The following PPP2R2C variants were observed in gnomAD, a reference collection of about 807,000 sequenced individuals.
PPP2R2C encodes protein phosphatase 2 regulatory subunit Bgamma, also known as protein phosphatase 2, regulatory subunit B, gamma.
In PPP2R2C, 10 loss-of-function variants were observed where a neutral mutation model predicts 45.3. The ratio of observed to expected loss-of-function variants is 0.22; its 90% confidence interval spans 0.14 to 0.37. The LOEUF is 0.37. Ranked by LOEUF, PPP2R2C falls within the 10% of genes least tolerant of loss-of-function variation. PPP2R2C has a pLI of 1.00. For synonymous variants in PPP2R2C, 257 were observed against 245.4 expected, an observed-to-expected ratio of 1.05 and a Z score of -0.44; for missense variants, 308 against 619.7, an observed-to-expected ratio of 0.50 and a Z score of 5.34.
intron 2 of PPP2R2C, among the ~76,000 whole-genome samples, chr4:6,522,109 C>T (rs1179533454): frequency 6.6e-6 from 1 of 152,154 alleles, no homozygotes; most frequent in African/African-American, 2.4e-5. Flanking sequence ...CTGCACTCTC[C>T]CGGCCACTCA....
chr4:6,355,368 C>A (rs1347312121), intron 5 of PPP2R2C, among the ~76,000 whole-genome samples: 1 of 152,078 alleles, frequency 6.6e-6, no homozygotes. Flanking sequence ...CATGTGATCT[C>A]ATTGTTCAAC....
At chr4:6,546,588 T>G (rs1724994298) in intron 1 of PPP2R2C, among the ~76,000 whole-genome samples, 1 of 152,192 alleles carries the variant, frequency 6.6e-6, no homozygotes, top group South Asian at 2.1e-4. Flanking sequence ...TCACTAAGCA[T>G]CTCAGCCGTC....
chr4:6,408,744 C>T (rs1233570043), intron 1 of PPP2R2C, among the ~76,000 whole-genome samples: 1 of 152,044 alleles, frequency 6.6e-6, no homozygotes, highest in African/African-American at 2.4e-5. Context: ...CTGCGGGGCA[C>T]CCTGAGAAAC....
At chr4:6,390,543 G>A (rs992387596) in intron 1 of PPP2R2C, among the ~76,000 whole-genome samples, 8 of 152,348 alleles carry the variant, frequency 5.3e-5, no homozygotes, top group Middle Eastern at 3.4e-3. Flanking sequence ...GGAGCACGCC[G>A]GGCGGCGGGC....
At chr4:6,432,373 C>A (rs1217737081) in intron 1 of PPP2R2C, among the ~76,000 whole-genome samples, 1 of 152,228 alleles carries the variant, frequency 6.6e-6, no homozygotes, top group Admixed American at 6.5e-5. Context: ...CATCTCTGAG[C>A]CCCAGGGATG....
At chr4:6,386,312 T>A (rs943544693) in intron 1 of PPP2R2C, among the ~76,000 whole-genome samples, 1 of 152,070 alleles carries the variant, frequency 6.6e-6, no homozygotes, top group African/African-American at 2.4e-5. Flanking sequence ...TCTCACTGGC[T>A]TGATAGAGCA....
chr4:6,383,036 C>G, intron 1 of PPP2R2C: 2 of 1,081,166 alleles, frequency 1.8e-6, no homozygotes, highest in Non-Finnish European at 2.3e-6. Context: ...CTGTTCTCTG[C>G]CCCCCACCTT....
chr4:6,559,170 A>G (rs1725499321), intron 1 of PPP2R2C, among the ~76,000 whole-genome samples: 1 of 152,222 alleles, frequency 6.6e-6, no homozygotes, highest in African/African-American at 2.4e-5. Flanking sequence ...CAGTCCAGCC[A>G]AGGCAGGAAG....
At chr4:6,443,402 C>T (rs945593989) in intron 1 of PPP2R2C, among the ~76,000 whole-genome samples, 1 of 152,230 alleles carries the variant, frequency 6.6e-6, no homozygotes, top group African/African-American at 2.4e-5. Flanking sequence ...CTGCGGGATG[C>T]CATGCAGACG....
chr4:6,495,134 T>G (rs1232728158), intron 2 of PPP2R2C, among the ~76,000 whole-genome samples: 1 of 152,176 alleles, frequency 6.6e-6, no homozygotes, highest in Non-Finnish European at 1.5e-5. Context: ...CTACGTGGCC[T>G]CCACAGCCAG....
intron 1 of PPP2R2C, among the ~76,000 whole-genome samples, chr4:6,558,551 A>G (rs1180956343): frequency 2.6e-5 from 4 of 152,132 alleles, no homozygotes; most frequent in African/African-American, 9.7e-5. Context: ...GAACTTCCCA[A>G]TACTCAGCCT....
intron 1 of PPP2R2C, among the ~76,000 whole-genome samples, chr4:6,461,943 T>G (rs2108758416): frequency 6.6e-6 from 1 of 152,308 alleles, no homozygotes; most frequent in Non-Finnish European, 1.5e-5. Context: ...GCACGTGGCA[T>G]GCACCATCTC....
At position 6,511,443 on chromosome 4, in the gene PPP2R2C, G is replaced by A. The variant is rs961826191; in HGVS notation, c.49+23828C>T. 1.5e-4 allele frequency among the ~76,000 whole-genome samples: 21 copies of A among 143,654 alleles called. No homozygotes were observed. In the South Asian group the frequency reaches 1.9e-3, roughly 13 times the overall value. 94.2% of individuals were successfully genotyped at this position (143,654 alleles called of 152,430 possible). On this transcript the variant is annotated intron_variant, in intron 2 of 9. Coordinates refer to the PPP2R2C transcript ENST00000506140. ...TGATGGTGGTGATGGTGGTGGTGAC[G>A]GTGGTGGTGGTGATGATGACGGTGG...
At chr4:6,482,992 G>GAT (rs5855919) in intron 2 of PPP2R2C, among the ~76,000 whole-genome samples, 146,795 of 152,196 alleles carry the variant, frequency 0.96, 71,019 homozygotes, top group East Asian at 1. Flanking sequence ...CTATTAATAA[G>GAT]AATATGACTT....
At chr4:6,393,809 C>G (rs982361067) in intron 1 of PPP2R2C, among the ~76,000 whole-genome samples, 6 of 152,198 alleles carry the variant, frequency 3.9e-5, no homozygotes, top group Admixed American at 2.0e-4. Context: ...GTGGATTTGT[C>G]TGTGGTCAGC....
At chr4:6,382,244 C>T in intron 1 of PPP2R2C, 8 of 1,216,968 alleles carry the variant, frequency 6.6e-6, no homozygotes, top group Non-Finnish European at 8.4e-6. Flanking sequence ...CCCGGGATGG[C>T]CCGCTGCTGT....
intron 1 of PPP2R2C, among the ~76,000 whole-genome samples, chr4:6,389,939 T>C (rs947723554): frequency 1.3e-5 from 2 of 151,862 alleles, no homozygotes; most frequent in African/African-American, 4.8e-5. Flanking sequence ...GTTTATGGGG[T>C]CAGAGATGGG....
intron 1 of PPP2R2C, among the ~76,000 whole-genome samples, chr4:6,388,919 G>C (rs966514641): frequency 2.6e-5 from 4 of 152,136 alleles, no homozygotes; most frequent in African/African-American, 9.7e-5. Flanking sequence ...GCTGAGATGA[G>C]AGTGTGCAGG....
At chr4:6,437,468 G>T (rs1446649772) in intron 1 of PPP2R2C, among the ~76,000 whole-genome samples, 1 of 152,182 alleles carries the variant, frequency 6.6e-6, no homozygotes, top group Non-Finnish European at 1.5e-5. Context: ...GCGGGGAGTG[G>T]CTTGTCCAGA....
Sources: allele counts gnomAD v4.1 joint callset (sites outside exome capture counted in the v4.1 genomes callset), GRCh38; gene constraint gnomAD v4.1.1; transcripts MANE v1.5; gene names NCBI Gene and HGNC (gene_info 2026-07-23, HGNC 2026-07-21).